Variants in SLC12A2 observed in about 807,000 individuals in gnomAD.
SLC12A2 encodes Na-K-2Cl cotransporter 1.
Under a neutral mutation model 136.3 loss-of-function variants are expected in SLC12A2, and 67 were observed. The observed-to-expected ratio is 0.49, with a 90% confidence interval of 0.40 to 0.60. The LOEUF is 0.60. SLC12A2 is among the 20% of genes least tolerant of loss of function. The pLI, the probability that SLC12A2 is intolerant of heterozygous loss-of-function variation, is 0.00. For synonymous variants in SLC12A2, 619 were observed against 562.9 expected, an observed-to-expected ratio of 1.10 and a Z score of -1.41; for missense variants, 1,322 against 1,534.7, an observed-to-expected ratio of 0.86 and a Z score of 2.32.
intron 4 of SLC12A2, among the ~76,000 whole-genome samples, chr5:128,119,081 T>G: frequency 6.6e-6 from 1 of 150,736 alleles, no homozygotes; most frequent in East Asian, 1.9e-4. Flanking sequence ...GTACCAAGAA[T>G]CCCTGAGTTG....
At chr5:128,161,433 C>T (rs1052484048) in intron 16 of SLC12A2, among the ~76,000 whole-genome samples, 2 of 152,112 alleles carry the variant, frequency 1.3e-5, no homozygotes, top group African/African-American at 4.8e-5. Flanking sequence ...TGTGTTTCTT[C>T]TCTTATTCTT....
intron 1 of SLC12A2, among the ~76,000 whole-genome samples, chr5:128,086,019 C>T (rs1760088279): frequency 6.6e-6 from 1 of 152,082 alleles, no homozygotes; most frequent in African/African-American, 2.4e-5. Context: ...CTTTTCAAAA[C>T]TCAAAAATCA....
chr5:128,089,169 CAAAAAAAAA>C (rs34686489), intron 1 of SLC12A2, among the ~76,000 whole-genome samples: 4 of 119,780 alleles, frequency 3.3e-5, no homozygotes, highest in Non-Finnish European at 3.5e-5. Context: ...ACTTTGTCTC[CAAAAAAAAA>C]AAAAAAAAGA....
intron 1 of SLC12A2, among the ~76,000 whole-genome samples, chr5:128,094,703 T>C (rs866268889): frequency 4.6e-5 from 7 of 152,120 alleles, no homozygotes; most frequent in Non-Finnish European, 7.4e-5. Context: ...TTCTTATACA[T>C]GGAATCTTAG....
chr5:128,150,394 G>T (rs367936704), intron 13 of SLC12A2, among the ~76,000 whole-genome samples: 1 of 151,430 alleles, frequency 6.6e-6, no homozygotes, highest in South Asian at 2.1e-4. Flanking sequence ...TTCTATTTTA[G>T]TTCTAAGAAC....
At chr5:128,105,399 AGT>A (rs927078529) in intron 1 of SLC12A2, among the ~76,000 whole-genome samples, 3 of 152,130 alleles carry the variant, frequency 2.0e-5, no homozygotes, top group African/African-American at 7.2e-5. Context: ...TGGGTAGAAG[AGT>A]GTGTTGTTTC....
intron 15 of SLC12A2, among the ~76,000 whole-genome samples, chr5:128,154,320 G>A (rs1762805189): frequency 6.6e-6 from 1 of 151,988 alleles, no homozygotes; most frequent in East Asian, 1.9e-4. Context: ...GGAGACTGAG[G>A]CTGGAGGACT....
Position 128,184,291 on chromosome 5 carries a change from A to G in SLC12A2, c.3300-75A>G, listed in dbSNP as rs188527976. 1.8e-5 allele frequency: 18 copies of G among 980,396 alleles called. No homozygotes were observed. The African/African-American group carries it at 2.0e-4, about 11-fold the overall frequency. The allele number at this position is 980,396 out of a possible 1,614,324, so 60.7% of individuals were successfully genotyped here. On this transcript the variant is annotated intron_variant, in intron 24 of 26. Coordinates refer to ENST00000262461, the MANE Select transcript of SLC12A2 (RefSeq NM_001046.3). ...AGAGGCACTAACTTTGCAAGTTACA[A>G]TTTAATATTTAAGATCTTCCTGTTA...
chr5:128,152,950 AAAATT>A, intron 15 of SLC12A2, 145 bp downstream of exon 15: 2 of 594,858 alleles, frequency 3.4e-6, no homozygotes, highest in East Asian at 2.8e-5. Context: ...TGTACAAAGA[AAAATT>A]AATATCTACC....
rs1763908217 is a variant in SLC12A2, at chr5:128,187,594, T to C, written c.*963T>C. On this transcript the variant is annotated 3_prime_UTR_variant, in exon 27 of 27. Transcript: ENST00000262461. ...ATTTAAGTGGAATTTCAGTATACTG[T>C]ACTATCCTTTATAAGTCATTAAAAT... 2 of 152,444 alleles carry C rather than the reference T, an allele frequency of 1.3e-5. No individual in the cohort carries two copies. The highest frequency in any genetic ancestry group is 6.5e-5 in the Admixed American group (1 of 15,272). 9.4% of individuals were successfully genotyped at this position (152,444 alleles called of 1,614,324 possible).
intron 10 of SLC12A2, among the ~76,000 whole-genome samples, chr5:128,145,168 A>G (rs894558835): frequency 6.6e-6 from 1 of 152,036 alleles, no homozygotes. Context: ...TATTTACTTC[A>G]ATTTATAACT....
chr5:128,091,417 G>A (rs1041358115), intron 1 of SLC12A2, among the ~76,000 whole-genome samples: 4 of 152,114 alleles, frequency 2.6e-5, no homozygotes, highest in South Asian at 2.1e-4. Context: ...CATTTTTAGC[G>A]TAAAAATGTG....
Position 128,187,505 on chromosome 5 carries a change from A to G in SLC12A2, c.*874A>G, listed in dbSNP as rs1763906010. ...CTCAAATCTGAGGGACTTTTAAGAA[A>G]TGCTAACAGATTTTTCTGGAGGAAA... is the stretch of plus-strand genomic sequence containing the variant. On this transcript the variant is annotated 3_prime_UTR_variant, in exon 27 of 27. Transcript: ENST00000262461. 6.6e-6 allele frequency: 1 copy of G among 152,146 alleles called. No homozygotes were observed. The highest frequency in any genetic ancestry group is 6.5e-5 in the Admixed American group (1 of 15,288). 9.4% of individuals were successfully genotyped at this position (152,146 alleles called of 1,614,324 possible). A position where few individuals can be genotyped will look rare whatever the true frequency, so the allele number is the denominator to read the frequency against.
intron 15 of SLC12A2, among the ~76,000 whole-genome samples, chr5:128,155,549 A>G (rs561359741): frequency 2.6e-4 from 40 of 152,300 alleles, no homozygotes; most frequent in African/African-American, 9.6e-4. Flanking sequence ...CCTGAAACTA[A>G]TAATTTTTCT....
chr5:128,172,188 A>G lies in SLC12A2; in HGVS notation c.2803+442A>G, dbSNP rs569231293. On this transcript the variant is annotated intron_variant, in intron 19 of 26. Transcript: ENST00000262461. ...GTTTTCTATCTTCAGCAGACCTAAT[A>G]AATTTTTTAAAAACATTTTTTAATT... Among the ~76,000 whole-genome samples, 192 of 152,332 alleles carry G rather than the reference A, an allele frequency of 1.3e-3. 1 individual carries two copies. Among genetic ancestry groups the G allele is most frequent in the Non-Finnish European group, 2.1e-3 (145 of 68,026 alleles).
chr5:128,114,433 A>T, intron 3 of SLC12A2, 146 bp downstream of exon 3: 1 of 811,782 alleles, frequency 1.2e-6, no homozygotes, highest in Non-Finnish European at 2.0e-6. Flanking sequence ...TCCTTTTTTC[A>T]TAATTCTGAT....
At chr5:128,101,692 T>C (rs1156449415) in intron 1 of SLC12A2, among the ~76,000 whole-genome samples, 1 of 152,186 alleles carries the variant, frequency 6.6e-6, no homozygotes, top group Non-Finnish European at 1.5e-5. Context: ...GGCAATCTCA[T>C]ATTAACCCTA....
chr5:128,148,008 T>C (rs1047582331), intron 11 of SLC12A2, among the ~76,000 whole-genome samples: 15 of 151,774 alleles, frequency 9.9e-5, no homozygotes, highest in Admixed American at 9.9e-4. Context: ...TAGCATACAT[T>C]TTCAAGATGT....
At position 128,148,771 on chromosome 5, in the gene SLC12A2, C is replaced by A; in HGVS notation, c.1899C>A (p.Asn633Lys). 1 of 1,602,504 alleles carries A rather than the reference C, an allele frequency of 6.2e-7. No individual in the cohort carries two copies. The change falls in exon 12 of 27, where the codon AAC becomes AAA. Residue 633 changes from asparagine to lysine, a missense_variant. Coordinates refer to ENST00000262461, the MANE Select transcript of SLC12A2 (RefSeq NM_001046.3). ...TTCATTAGGCTCTATGTAAGGACAA[C>A]ATCTACCCAGCTTTCCAGATGTTTG... is the stretch of plus-strand genomic sequence containing the variant. ...PKIFQALCKD[N>K]IYPAFQMFAK...
Sources: gnomAD v4.1 joint callset for allele counts (sites outside exome capture counted in the v4.1 genomes callset) on GRCh38, gnomAD v4.1.1 for gene constraint, MANE v1.5 for transcripts, NCBI Gene and HGNC (gene_info 2026-07-23, HGNC 2026-07-21) for gene names.